PCDHGB4: variants seen among roughly 807,000 people sequenced by gnomAD.
The protein encoded by PCDHGB4 is protocadherin gamma subfamily B, 4.
Under a neutral mutation model 60.5 loss-of-function variants are expected in PCDHGB4, and 38 were observed. That is an observed-to-expected ratio of 0.63 (90% CI 0.48 to 0.82). PCDHGB4 has a LOEUF of 0.82. PCDHGB4 is among the 40% of genes least tolerant of loss of function. The probability of loss-of-function intolerance (pLI) is 0.00; values close to 1 mark genes in which losing one functional copy is unlikely to be tolerated. For synonymous variants in PCDHGB4, 456 were observed against 509.7 expected (o/e 0.89, Z 1.42); for missense variants, 1,109 against 1,209.6 (o/e 0.92, Z 1.23).
rs775299266 is a variant in PCDHGB4, at chr5:141,432,192, AC to A, written c.2397+41915del. On this transcript the variant is annotated intron_variant, in intron 1 of 3. Transcript: ENST00000519479. The surrounding 1 kb of genome is among the most constrained non-coding windows in gnomAD (Gnocchi z 6.0). ...TCCCTCGTCTCTGTGACCGCCCACG[AC>A]CCCGACTGTGAAGAGAACGCCCAGA... 5 of 1,613,812 alleles carry A rather than the reference AC, an allele frequency of 3.1e-6. No individual in the cohort carries two copies. Among genetic ancestry groups the A allele is most frequent in the Non-Finnish European group, 4.2e-6 (5 of 1,179,996 alleles).
intron 2 of PCDHGB4, among the ~76,000 whole-genome samples, chr5:141,502,239 A>G (rs2099813426): frequency 6.6e-6 from 1 of 152,148 alleles, no homozygotes; most frequent in Admixed American, 6.5e-5. Flanking sequence ...GTGTTCTTTT[A>G]TCCTTTTTTT....
At chr5:141,501,298 C>CAG (rs2099807427) in intron 2 of PCDHGB4, among the ~76,000 whole-genome samples, 1 of 148,330 alleles carries the variant, frequency 6.7e-6, no homozygotes, top group Non-Finnish European at 1.5e-5. Context: ...TATACACACA[C>CAG]ACACACACAC....
Position 141,476,209 on chromosome 5 carries a change from G to T in PCDHGB4, c.2398-18598G>T, listed in dbSNP as rs749576231. On this transcript the variant is annotated intron_variant, in intron 1 of 3. Coordinates refer to ENST00000519479, the MANE Select transcript of PCDHGB4 (RefSeq NM_003736.4). The surrounding 1 kb of genome is among the most constrained non-coding windows in gnomAD (Gnocchi z 7.6). ...TTGGTGCCTTGAACAAGGCTTCCAC[G>T]GTCATTCACTATGAGATCCCGGAGG... The T allele has an allele frequency of 6.2e-6, 10 of 1,613,974 alleles. No individual in the cohort carries two copies. Among genetic ancestry groups the T allele is most frequent in the Non-Finnish European group, 8.5e-6 (10 of 1,180,026 alleles).
At chr5:141,457,929 C>T (rs1207409757) in intron 1 of PCDHGB4, among the ~76,000 whole-genome samples, 2 of 152,194 alleles carry the variant, frequency 1.3e-5, no homozygotes, top group Non-Finnish European at 2.9e-5. Context: ...CCCCAAGGGG[C>T]TTTTATTGGC....
chr5:141,430,666 G>A (rs2097301396), intron 1 of PCDHGB4: 1 of 1,222,518 alleles, frequency 8.2e-7, no homozygotes, highest in Admixed American at 2.7e-5. Flanking sequence ...GAGGAGCTCT[G>A]ACTTCCCAAC....
At chr5:141,428,041 TG>T (rs1260865435) in intron 1 of PCDHGB4, 1 of 1,608,448 alleles carries the variant, frequency 6.2e-7, no homozygotes, top group African/African-American at 1.3e-5. Flanking sequence ...GGCTACCTGG[TG>T]ACCAAGGTGG....
chr5:141,498,294 G>A (rs2099782964), intron 2 of PCDHGB4, among the ~76,000 whole-genome samples: 1 of 151,910 alleles, frequency 6.6e-6, no homozygotes, highest in African/African-American at 2.4e-5. Flanking sequence ...GATCAAGCCA[G>A]CTCTGGGTCA....
chr5:141,397,372 G>C (rs1014875277), intron 1 of PCDHGB4, among the ~76,000 whole-genome samples: 1 of 152,012 alleles, frequency 6.6e-6, no homozygotes, highest in Non-Finnish European at 1.5e-5. Context: ...AGATGTTTGG[G>C]GATTGGTATA....
Position 141,477,256 on chromosome 5 carries a change from T to G in PCDHGB4, c.2398-17551T>G. 2 of 1,614,210 alleles carry G rather than the reference T, an allele frequency of 1.2e-6. No homozygotes were observed. The highest frequency in any genetic ancestry group is 1.7e-6 in the Non-Finnish European group (2 of 1,180,038). On this transcript the variant is annotated intron_variant, in intron 1 of 3. Coordinates refer to ENST00000519479, the MANE Select transcript of PCDHGB4 (RefSeq NM_003736.4). This position sits in a 1 kb window ranked among gnomAD's most constrained non-coding sequence, Gnocchi z 4.9. Reference sequence around the variant, plus strand: ...CTTTGCTCAGTGTGACTGACCTGGATGCTGGCGAGAACGGGCTGGTGACCT... The same window carrying G: ...CTTTGCTCAGTGTGACTGACCTGGAGGCTGGCGAGAACGGGCTGGTGACCT...
intron 1 of PCDHGB4, chr5:141,403,938 G>C (rs1181403397): frequency 1.2e-6 from 2 of 1,613,848 alleles, no homozygotes; most frequent in Non-Finnish European, 1.7e-6. Flanking sequence ...GGATTGAAAG[G>C]GTGGACAAAA....
intron 1 of PCDHGB4, chr5:141,398,687 A>T (rs940121215): frequency 1.9e-6 from 3 of 1,613,940 alleles, no homozygotes; most frequent in Non-Finnish European, 2.5e-6. Context: ...GAGAAACAGG[A>T]TGGTAGTAAA....
Position 141,476,019 on chromosome 5 carries a change from C to T in PCDHGB4, c.2398-18788C>T, listed in dbSNP as rs964061075. The T allele has an allele frequency of 3.9e-5, 54 of 1,390,282 alleles. 1 individual carries two copies. Among genetic ancestry groups the T allele is most frequent in the Non-Finnish European group, 4.9e-5 (51 of 1,034,212 alleles). 86.1% of individuals were successfully genotyped at this position (1,390,282 alleles called of 1,614,324 possible). A position where few individuals can be genotyped will look rare whatever the true frequency, so the allele number is the denominator to read the frequency against. Reference sequence around the variant, plus strand: ...ACGGCATCCAGAAAGCCATGTCGGACTCGGCGCCCAGCGCCCAAGCGCTAA... The same window carrying T: ...ACGGCATCCAGAAAGCCATGTCGGATTCGGCGCCCAGCGCCCAAGCGCTAA... On this transcript the variant is annotated intron_variant, in intron 1 of 3. Transcript: ENST00000519479. This position sits in a 1 kb window ranked among gnomAD's most constrained non-coding sequence, Gnocchi z 7.6.
chr5:141,483,904 T>A (rs11750647), intron 1 of PCDHGB4, among the ~76,000 whole-genome samples: 24,531 of 151,676 alleles, frequency 0.16, 2,105 homozygotes, highest in African/African-American at 0.21. Context: ...CTCTGGTGTG[T>A]TTCCCACTCA....
rs149553852 is a variant in PCDHGB4 at position 141,415,009 on chromosome 5, C to T, written c.2397+24728C>T. On this transcript the variant is annotated intron_variant, in intron 1 of 3. Coordinates refer to ENST00000519479, the MANE Select transcript of PCDHGB4 (RefSeq NM_003736.4). ...CCAGAACGCCTGGCTGTCCTACCGT[C>T]TGCTCAAGGCCAGCGAGCCGGGACT... 1.9e-3 allele frequency: 3,040 copies of T among 1,613,658 alleles called. 49 individuals are homozygous for T. In the African/African-American group the frequency reaches 0.033, roughly 18 times the overall value.
chr5:141,510,958 G>A lies in PCDHGB4; in HGVS notation c.2557G>A (p.Gly853Arg). 6.2e-7 allele frequency: 1 copy of A among 1,614,130 alleles called. No homozygotes were observed. Among genetic ancestry groups the A allele is most frequent in the Non-Finnish European group, 8.5e-7 (1 of 1,180,012 alleles). The change falls in exon 4 of 4, where the codon GGG becomes AGG. Residue 853 changes from glycine to arginine, a missense_variant. This residue lies in a region of PCDHGB4 where 1,068 missense variants were observed against 1,089.9 expected (regional missense o/e 0.98). Transcript: ENST00000519479. The stretch of plus-strand genomic sequence containing the variant: ...CTCTGTCTCTGCAGAAGCTGCTGAT[G>A]GGAGCTCCACCCTGGGAGGGGGTGC... ...ILASASEAAD[G>R]SSTLGGGAGT...
At chr5:141,499,399 C>A (rs2099791676) in intron 2 of PCDHGB4, among the ~76,000 whole-genome samples, 1 of 152,072 alleles carries the variant, frequency 6.6e-6, no homozygotes, top group Non-Finnish European at 1.5e-5. Flanking sequence ...ATAGTACATG[C>A]TCATTATAGA....
At chr5:141,494,783 C>G (rs2099756910) in intron 1 of PCDHGB4, 24 bp from the exon 2 acceptor site, 2 of 1,613,964 alleles carry the variant, frequency 1.2e-6, no homozygotes, top group Admixed American at 3.3e-5. Context: ...GTACTCAGCC[C>G]CTTTCCCTCT....
intron 1 of PCDHGB4, among the ~76,000 whole-genome samples, chr5:141,449,134 T>C (rs538592980): frequency 9.2e-4 from 140 of 152,242 alleles, no homozygotes; most frequent in Non-Finnish European, 1.8e-3. Context: ...AGAAATGGAA[T>C]TGAAATTGCT....
chr5:141,414,306 T>A lies in PCDHGB4; in HGVS notation c.2397+24025T>A, dbSNP rs778408885. The A allele has an allele frequency of 6.2e-6, 10 of 1,613,584 alleles. No homozygotes were observed. The Admixed American group carries it at 1.2e-4, about 19-fold the overall frequency. Reference sequence around the variant, plus strand: ...TCGTAGCCCTTTTAAATGTGCATGATTTAGACTCTGAGCAGAATGGACAGG... The same window carrying A: ...TCGTAGCCCTTTTAAATGTGCATGAATTAGACTCTGAGCAGAATGGACAGG... On this transcript the variant is annotated intron_variant, in intron 1 of 3. Coordinates refer to ENST00000519479, the MANE Select transcript of PCDHGB4 (RefSeq NM_003736.4).
Sources: gnomAD v4.1 joint callset for allele counts (sites outside exome capture counted in the v4.1 genomes callset) on GRCh38, gnomAD v4.1.1 for gene constraint, gnomAD v4.1.1 regional missense constraint, Gnocchi (gnomAD v3.1) non-coding constraint, MANE v1.5 for transcripts, NCBI Gene and HGNC (gene_info 2026-07-23, HGNC 2026-07-21) for gene names.